Variants in QTGAL observed in about 807,000 individuals in gnomAD.
QTGAL encodes queuosine-tRNA galactosyltransferase, also known as BGnT-like protein 1.
chr17:82,974,024 G>A, the QTGAL span, among the ~76,000 whole-genome samples: 1 of 152,188 alleles, frequency 6.6e-6, no homozygotes, highest in East Asian at 1.9e-4. Flanking sequence ...GGGTCGAGAG[G>A]GTGTCGTGGA....
chr17:83,023,381 A>G, the QTGAL span, among the ~76,000 whole-genome samples: 19,127 of 134,866 alleles, frequency 0.14, 2,142 homozygotes, highest in Middle Eastern at 0.2. Context: ...CTGCACCAGC[A>G]TGAACTCACA....
chr17:83,030,170 T>C, the QTGAL span, among the ~76,000 whole-genome samples: 1 of 152,196 alleles, frequency 6.6e-6, no homozygotes, highest in African/African-American at 2.4e-5. Flanking sequence ...AAAGAAATCA[T>C]AGTGGAAGTT....
At chr17:82,962,792 C>T in the QTGAL span, among the ~76,000 whole-genome samples, 3 of 152,156 alleles carry the variant, frequency 2.0e-5, no homozygotes, top group South Asian at 2.1e-4. Flanking sequence ...CAGAAGAGCC[C>T]GACCCTTGGG....
the QTGAL span, chr17:83,005,217 A>C: frequency 6.2e-7 from 1 of 1,600,990 alleles, no homozygotes. This position sits in a 1 kb window ranked among gnomAD's most constrained non-coding sequence, Gnocchi z 5.6. Flanking sequence ...TGATCTGTGA[A>C]AAACAACGGC....
At chr17:82,956,051 G>T in the QTGAL span, among the ~76,000 whole-genome samples, 1 of 152,050 alleles carries the variant, frequency 6.6e-6, no homozygotes, top group Non-Finnish European at 1.5e-5. This position sits in a 1 kb window ranked among gnomAD's most constrained non-coding sequence, Gnocchi z 5.7. Context: ...TAATGCATGC[G>T]GGGCTTAAAA....
the QTGAL span, among the ~76,000 whole-genome samples, chr17:83,011,740 C>T: frequency 2.0e-5 from 3 of 152,084 alleles, no homozygotes; most frequent in Non-Finnish European, 2.9e-5. Flanking sequence ...AGAGCATCAG[C>T]GAAGGCAGTG....
At chr17:82,984,104 T>A in the QTGAL span, among the ~76,000 whole-genome samples, 2 of 73,468 alleles carry the variant, frequency 2.7e-5, no homozygotes, top group South Asian at 5.4e-4. Context: ...GGGGGAGAGA[T>A]CATGTGAGCA....
At chr17:82,999,667 T>C in the QTGAL span, among the ~76,000 whole-genome samples, 1 of 152,190 alleles carries the variant, frequency 6.6e-6, no homozygotes, top group African/African-American at 2.4e-5. Context: ...AGAAAATACA[T>C]TTATGGTACT....
chr17:82,990,372 A>G, the QTGAL span, among the ~76,000 whole-genome samples: 2 of 152,274 alleles, frequency 1.3e-5, no homozygotes, highest in Non-Finnish European at 2.9e-5. Context: ...CAACGCAGGC[A>G]GTGTCATCAG....
the QTGAL span, among the ~76,000 whole-genome samples, chr17:83,012,923 C>T: frequency 2.0e-5 from 3 of 151,988 alleles, no homozygotes; most frequent in Admixed American, 2.0e-4. Flanking sequence ...CCGGGCCCCC[C>T]GTCCCACCCG....
At chr17:83,004,634 G>A in the QTGAL span, among the ~76,000 whole-genome samples, 31 of 142,496 alleles carry the variant, frequency 2.2e-4, 1 homozygote, top group African/African-American at 7.3e-4. Flanking sequence ...CCCACCCTCC[G>A]CACTCCGCGT....
At chr17:82,986,044 C>G in the QTGAL span, among the ~76,000 whole-genome samples, 3,622 of 152,246 alleles carry the variant, frequency 0.024, 157 homozygotes, top group African/African-American at 0.083. Flanking sequence ...TCTTCAGGAG[C>G]CCTGCTCAGA....
the QTGAL span, among the ~76,000 whole-genome samples, chr17:83,024,908 G>A: frequency 6.6e-6 from 1 of 152,210 alleles, no homozygotes; most frequent in Non-Finnish European, 1.5e-5. Context: ...GGCAGCAAAC[G>A]GCTACTGCTG....
At chr17:82,998,012 T>C in the QTGAL span, among the ~76,000 whole-genome samples, 4 of 150,046 alleles carry the variant, frequency 2.7e-5, no homozygotes, top group African/African-American at 9.8e-5. Flanking sequence ...TAGATATATA[T>C]AGTTACAAAG....
chr17:83,000,944 T>TCC, the QTGAL span, among the ~76,000 whole-genome samples: 248 of 152,286 alleles, frequency 1.6e-3, 3 homozygotes, highest in South Asian at 0.017. Context: ...GGGTCATGGT[T>TCC]GCATGGTGTG....
At chr17:82,984,588 G>GAGGACGCAGGGAGAGGCCAT in the QTGAL span, among the ~76,000 whole-genome samples, 1 of 151,502 alleles carries the variant, frequency 6.6e-6, no homozygotes, top group South Asian at 2.1e-4. Flanking sequence ...GAGGCTACAG[G>GAGGACGCAGGGAGAGGCCAT]GTCGTGCAGG....
the QTGAL span, among the ~76,000 whole-genome samples, chr17:82,985,578 G>C: frequency 3.3e-5 from 5 of 152,154 alleles, no homozygotes; most frequent in African/African-American, 1.2e-4. Context: ...TTGGTGTTTA[G>C]TGGCACCGTT....
At chr17:83,025,945 C>T in the QTGAL span, among the ~76,000 whole-genome samples, 1 of 152,202 alleles carries the variant, frequency 6.6e-6, no homozygotes, top group Non-Finnish European at 1.5e-5. Context: ...TGCTGGTGGC[C>T]TAAGCCAATG....
chr17:82,956,951 C>G, the QTGAL span: 7 of 944,862 alleles, frequency 7.4e-6, no homozygotes, highest in Non-Finnish European at 1.1e-5. The surrounding 1 kb of genome is among the most constrained non-coding windows in gnomAD (Gnocchi z 5.7). Context: ...TCCCGCCACC[C>G]CCGCCTGACA....
Sources: allele counts gnomAD v4.1 joint callset (sites outside exome capture counted in the v4.1 genomes callset), GRCh38; gene constraint gnomAD v4.1.1; non-coding constraint Gnocchi (gnomAD v3.1); transcripts MANE v1.5; gene names NCBI Gene and HGNC (gene_info 2026-07-23, HGNC 2026-07-21).